The following CDKAL1 variants were observed in gnomAD, a reference collection of about 807,000 sequenced individuals.
CDKAL1 encodes CDKAL1 threonylcarbamoyladenosine tRNA methylthiotransferase, also known as threonylcarbamoyladenosine tRNA methylthiotransferase.
CDKAL1 carries 32 observed loss-of-function variants against 68.2 expected under a neutral mutation model. That is an observed-to-expected ratio of 0.47 (90% CI 0.35 to 0.63). The LOEUF (loss-of-function observed/expected upper bound fraction) is 0.63, where lower values mean the gene tolerates loss of function less well. Ranked by LOEUF, CDKAL1 falls within the 30% of genes least tolerant of loss-of-function variation. The pLI is 0.00. For missense variants in CDKAL1, 606 were observed against 696.7 expected, an observed-to-expected ratio of 0.87 and a Z score of 1.47; for synonymous variants, 234 against 244.3, an observed-to-expected ratio of 0.96 and a Z score of 0.39.
intron 4 of CDKAL1, among the ~76,000 whole-genome samples, chr6:20,605,513 A>G (rs918578060): frequency 4.6e-5 from 7 of 152,092 alleles, no homozygotes; most frequent in Middle Eastern, 3.4e-3. Context: ...TATTTTTTAC[A>G]TGCCTGGTAC....
intron 10 of CDKAL1, among the ~76,000 whole-genome samples, chr6:20,998,968 G>A (rs1025056333): frequency 6.6e-6 from 1 of 151,372 alleles, no homozygotes; most frequent in African/African-American, 2.5e-5. Context: ...GAAACACAGG[G>A]CATGGTTGAT....
At chr6:20,584,077 A>C (rs1027702734) in intron 4 of CDKAL1, among the ~76,000 whole-genome samples, 1 of 145,376 alleles carries the variant, frequency 6.9e-6, no homozygotes, top group Non-Finnish European at 1.5e-5. Flanking sequence ...ATTACTACTC[A>C]TATTTCACAT....
At chr6:20,944,461 C>T (rs1764139358) in intron 9 of CDKAL1, among the ~76,000 whole-genome samples, 1 of 152,214 alleles carries the variant, frequency 6.6e-6, no homozygotes, top group South Asian at 2.1e-4. Context: ...ATTCTCCTGC[C>T]TCAGACTCCC....
intron 4 of CDKAL1, among the ~76,000 whole-genome samples, chr6:20,563,649 C>T (rs753676961): frequency 4.7e-5 from 7 of 150,320 alleles, no homozygotes; most frequent in South Asian, 2.1e-4. Flanking sequence ...ACCTAGCCAA[C>T]GAGGGCTTTT....
chr6:21,131,352 C>T (rs1775310217), intron 13 of CDKAL1, among the ~76,000 whole-genome samples: 1 of 152,170 alleles, frequency 6.6e-6, no homozygotes, highest in African/African-American at 2.4e-5. Context: ...ATGATAAGTA[C>T]TGCCTTTCAG....
intron 12 of CDKAL1, among the ~76,000 whole-genome samples, chr6:21,089,495 T>C (rs756673480): frequency 4.0e-5 from 6 of 151,642 alleles, no homozygotes; most frequent in Non-Finnish European, 8.8e-5. Flanking sequence ...AAAACAAAAG[T>C]GCAAATAGCA....
intron 15 of CDKAL1, among the ~76,000 whole-genome samples, chr6:21,214,878 A>G (rs67723955): frequency 0.094 from 9,847 of 104,242 alleles, 379 homozygotes; most frequent in Non-Finnish European, 0.13. Context: ...CTGTTGGATG[A>G]ATGAATGAAT....
intron 13 of CDKAL1, among the ~76,000 whole-genome samples, chr6:21,167,882 A>T (rs1192182408): frequency 6.6e-6 from 1 of 152,244 alleles, no homozygotes; most frequent in Non-Finnish European, 1.5e-5. Context: ...GCCCTCTGTC[A>T]TCTCATTCCG....
intron 9 of CDKAL1, among the ~76,000 whole-genome samples, chr6:20,847,037 T>C (rs1199102575): frequency 6.6e-6 from 1 of 152,210 alleles, no homozygotes; most frequent in Non-Finnish European, 1.5e-5. Flanking sequence ...AAGTATGAGT[T>C]CCAAATTCAT....
chr6:21,111,498 G>A (rs1304567152), intron 13 of CDKAL1, among the ~76,000 whole-genome samples: 7 of 152,128 alleles, frequency 4.6e-5, no homozygotes, highest in African/African-American at 1.7e-4. Flanking sequence ...AACCAAGATT[G>A]CTCCTGCCTG....
chr6:20,992,196 T>TTA lies in CDKAL1; in HGVS notation c.910-8017_910-8016dup, dbSNP rs973247441. On this transcript the variant is annotated intron_variant, in intron 10 of 15. Coordinates refer to ENST00000274695, the MANE Select transcript of CDKAL1 (RefSeq NM_017774.3). ...GCACACGTGACCATAGTCAGCTTTT[T>TTA]TATATATATATATATGTATTTTGTA... Among the ~76,000 whole-genome samples, 1,009 of 141,086 alleles carry TTA rather than the reference T, an allele frequency of 7.2e-3. 41 individuals carry two copies. The highest frequency in any genetic ancestry group is 0.026 in the African/African-American group (905 of 34,396). 92.6% of individuals were successfully genotyped at this position (141,086 alleles called of 152,430 possible). A position where few individuals can be genotyped will look rare whatever the true frequency, so the allele number is the denominator to read the frequency against.
chr6:21,164,528 C>T (rs1582335432), intron 13 of CDKAL1, among the ~76,000 whole-genome samples: 1 of 150,550 alleles, frequency 6.6e-6, no homozygotes, highest in Middle Eastern at 3.4e-3. Context: ...CCATCATTGT[C>T]TCCCAGCATT....
At chr6:20,910,317 A>T (rs1483416601) in intron 9 of CDKAL1, among the ~76,000 whole-genome samples, 1 of 152,222 alleles carries the variant, frequency 6.6e-6, no homozygotes, top group Non-Finnish European at 1.5e-5. Context: ...TGACCTTGAG[A>T]GCTCAGCGTG....
chr6:20,847,967 G>A (rs1326090065), intron 9 of CDKAL1, among the ~76,000 whole-genome samples: 1 of 152,184 alleles, frequency 6.6e-6, no homozygotes, highest in Non-Finnish European at 1.5e-5. Flanking sequence ...ATACCCCCTA[G>A]ATGTTTCCCA....
chr6:21,044,366 A>G (rs1249236089), intron 11 of CDKAL1, among the ~76,000 whole-genome samples: 1 of 152,044 alleles, frequency 6.6e-6, no homozygotes, highest in African/African-American at 2.4e-5. Context: ...CATTGATGGG[A>G]TTGAATCAAA....
chr6:20,836,937 C>T (rs370107346), intron 8 of CDKAL1, among the ~76,000 whole-genome samples: 132 of 152,220 alleles, frequency 8.7e-4, no homozygotes, highest in African/African-American at 3.1e-3. Flanking sequence ...TGTGCTAAGG[C>T]CCTACCAGTT....
In CDKAL1 at chr6:20,936,325, A is replaced by G. The variant is rs1162027168; in HGVS notation, c.743-19094A>G. On this transcript the variant is annotated intron_variant, in intron 9 of 15. Coordinates refer to ENST00000274695, the MANE Select transcript of CDKAL1 (RefSeq NM_017774.3). ...GAGTGCAGTGGCGGGATCTCGGCTC[A>G]CTGCAAGCTCCGCCTCCCGGGTTCA... Among the ~76,000 whole-genome samples, 3 of 127,444 alleles carry G rather than the reference A, an allele frequency of 2.4e-5. No individual in the cohort carries two copies. The Admixed American group carries it at 3.1e-4, about 13-fold the overall frequency. The allele number at this position is 127,444 out of a possible 152,430, so 83.6% of individuals were successfully genotyped here. A position where few individuals can be genotyped will look rare whatever the true frequency, so the allele number is the denominator to read the frequency against.
chr6:21,223,980 T>C (rs926403185), intron 15 of CDKAL1, among the ~76,000 whole-genome samples: 1 of 152,180 alleles, frequency 6.6e-6, no homozygotes, highest in African/African-American at 2.4e-5. Flanking sequence ...TATCCCTCTT[T>C]CCTTGTAAAC....
At chr6:21,100,925 A>G (rs1773547253) in intron 12 of CDKAL1, among the ~76,000 whole-genome samples, 1 of 152,196 alleles carries the variant, frequency 6.6e-6, no homozygotes, top group African/African-American at 2.4e-5. Context: ...GATGCTTTAC[A>G]CATTGATAAC....
Sources: allele counts gnomAD v4.1 joint callset (sites outside exome capture counted in the v4.1 genomes callset), GRCh38; gene constraint gnomAD v4.1.1; transcripts MANE v1.5; gene names NCBI Gene and HGNC (gene_info 2026-07-23, HGNC 2026-07-21).